ADORA2B: variants seen among roughly 807,000 people sequenced by gnomAD.
ADORA2B encodes adenosine receptor A2b.
ADORA2B carries 18 observed loss-of-function variants against 20.8 expected under a neutral mutation model. The ratio of observed to expected loss-of-function variants is 0.87; its 90% CI spans 0.60 to 1.29. The LOEUF (loss-of-function observed/expected upper bound fraction) is 1.29. ADORA2B is among the 50% of genes most tolerant of loss of function. The pLI is 0.00. For synonymous variants in ADORA2B, 179 were observed against 178.3 expected (o/e 1.00, Z -0.03); for missense variants, 441 against 422.7 (o/e 1.04, Z -0.38).
At chr17:15,965,152 CTT>C (rs940423026) in intron 1 of ADORA2B, among the ~76,000 whole-genome samples, 1 of 152,194 alleles carries the variant, frequency 6.6e-6, no homozygotes, top group Non-Finnish European at 1.5e-5. Context: ...AATATCCCCT[CTT>C]ATATAGATAG....
At chr17:15,947,375 G>A (rs1969819885) in intron 1 of ADORA2B, among the ~76,000 whole-genome samples, 1 of 152,226 alleles carries the variant, frequency 6.6e-6, no homozygotes, top group South Asian at 2.1e-4. Flanking sequence ...CCAGGCCACA[G>A]GGAGCAGGAA....
At position 15,947,095 on chromosome 17, in the gene ADORA2B, C is replaced by T. The variant is rs370729959; in HGVS notation, c.335+1512C>T. 1.2e-4 allele frequency among the ~76,000 whole-genome samples: 19 copies of T among 152,226 alleles called. No individual in the cohort carries two copies. The East Asian group carries it at 2.5e-3, about 20-fold the overall frequency. On this transcript the variant is annotated intron_variant, in intron 1 of 1. Coordinates refer to ENST00000304222, the MANE Select transcript of ADORA2B (RefSeq NM_000676.4). ...TCTGGCCACTCCATGTGCTGCTGCC[C>T]GTGCTGTTGGACCAGGAGGCCTTAT...
chr17:15,872,411 T>A, the ADORA2B span, among the ~76,000 whole-genome samples: 4 of 152,180 alleles, frequency 2.6e-5, no homozygotes, highest in African/African-American at 9.6e-5. Flanking sequence ...TGGTTCCATA[T>A]GAATTTTGGG....
At chr17:15,933,105 G>A in the ADORA2B span, among the ~76,000 whole-genome samples, 25 of 152,032 alleles carry the variant, frequency 1.6e-4, no homozygotes, top group South Asian at 4.4e-3. Flanking sequence ...ACAAGCGCCC[G>A]CTACCACGCC....
At chr17:15,928,720 C>T in the ADORA2B span, among the ~76,000 whole-genome samples, 3 of 151,764 alleles carry the variant, frequency 2.0e-5, no homozygotes, top group African/African-American at 7.3e-5. Flanking sequence ...AGGGAAAGAG[C>T]GTTGTGGAGG....
the ADORA2B span, among the ~76,000 whole-genome samples, chr17:15,921,112 C>A: frequency 6.6e-6 from 1 of 152,252 alleles, no homozygotes; most frequent in South Asian, 2.1e-4. Context: ...TATCATCCAT[C>A]TCCCCAGGCC....
the ADORA2B span, among the ~76,000 whole-genome samples, chr17:15,890,463 T>C: frequency 8.7e-6 from 1 of 114,516 alleles, no homozygotes; most frequent in South Asian, 2.5e-4. Flanking sequence ...TCCTTTCTTT[T>C]ATTTATTTAT....
At chr17:15,915,913 A>C in the ADORA2B span, among the ~76,000 whole-genome samples, 1 of 152,184 alleles carries the variant, frequency 6.6e-6, no homozygotes, top group Admixed American at 6.5e-5. Flanking sequence ...AGCTATGTGG[A>C]CATCCCTTGG....
At chr17:15,920,461 G>T in the ADORA2B span, among the ~76,000 whole-genome samples, 1 of 152,158 alleles carries the variant, frequency 6.6e-6, no homozygotes, top group Non-Finnish European at 1.5e-5. Flanking sequence ...AGTGGCTCAC[G>T]CCTGTAATCC....
the ADORA2B span, among the ~76,000 whole-genome samples, chr17:15,902,275 G>C: frequency 6.6e-6 from 1 of 151,424 alleles, no homozygotes; most frequent in Non-Finnish European, 1.5e-5. Context: ...GCAGTGGCAC[G>C]ATCTTGGCTC....
chr17:15,926,866 G>A, the ADORA2B span, among the ~76,000 whole-genome samples: 1 of 152,140 alleles, frequency 6.6e-6, no homozygotes, highest in Non-Finnish European at 1.5e-5. Context: ...AGCTACTCAG[G>A]AGGCCAAGGC....
chr17:15,972,934 A>G (rs1017659378), intron 1 of ADORA2B, among the ~76,000 whole-genome samples: 1 of 152,046 alleles, frequency 6.6e-6, no homozygotes, highest in African/African-American at 2.4e-5. Context: ...TAAGTTTTGT[A>G]CTTTTTTGTA....
the ADORA2B span, among the ~76,000 whole-genome samples, chr17:15,870,107 T>G: frequency 1.3e-5 from 2 of 148,476 alleles, no homozygotes; most frequent in African/African-American, 5.0e-5. Context: ...TCTAGAACTG[T>G]TTTTTGCTGC....
rs372964783 is a variant in ADORA2B, at chr17:15,945,244, C to G, written c.-5C>G. ...GGGGGCGCCCGGGGCCCAGCTGGCCCGGCCATGCTGCTGGAGACACAGGAC... is the reference window on the plus strand; with the variant it reads ...GGGGGCGCCCGGGGCCCAGCTGGCCGGGCCATGCTGCTGGAGACACAGGAC... On this transcript the variant is annotated 5_prime_UTR_variant, in exon 1 of 2. Transcript: ENST00000304222. 1,182 of 1,420,562 alleles carry G rather than the reference C, an allele frequency of 8.3e-4. 8 individuals carry two copies. Among genetic ancestry groups the G allele is most frequent in the Middle Eastern group, 2.5e-3 (11 of 4,390 alleles). The allele number at this position is 1,420,562 out of a possible 1,614,324, so 88.0% of individuals were successfully genotyped here.
chr17:15,876,151 A>G, the ADORA2B span, among the ~76,000 whole-genome samples: 1 of 152,184 alleles, frequency 6.6e-6, no homozygotes, highest in Non-Finnish European at 1.5e-5. Flanking sequence ...GGTTCATAGA[A>G]GGTAAAATTT....
the ADORA2B span, among the ~76,000 whole-genome samples, chr17:15,856,470 T>C: frequency 6.6e-6 from 1 of 152,128 alleles, no homozygotes; most frequent in East Asian, 1.9e-4. Context: ...CAGGTACTGC[T>C]ATAAAGATAG....
At chr17:15,952,583 G>A (rs1969919533) in intron 1 of ADORA2B, among the ~76,000 whole-genome samples, 2 of 152,202 alleles carry the variant, frequency 1.3e-5, no homozygotes, top group Non-Finnish European at 2.9e-5. Flanking sequence ...GTCCCTTCTA[G>A]TGGTGGATGA....
At chr17:15,875,424 G>A in the ADORA2B span, among the ~76,000 whole-genome samples, 1 of 152,274 alleles carries the variant, frequency 6.6e-6, no homozygotes, top group Non-Finnish European at 1.5e-5. Context: ...CTGTCTTTGC[G>A]TTCTCTCATT....
At chr17:15,928,955 G>A in the ADORA2B span, among the ~76,000 whole-genome samples, 1 of 152,116 alleles carries the variant, frequency 6.6e-6, no homozygotes, top group African/African-American at 2.4e-5. Context: ...GTTACGGAAG[G>A]AGAGGGGAGG....
Sources: allele counts gnomAD v4.1 joint callset (sites outside exome capture counted in the v4.1 genomes callset), GRCh38; gene constraint gnomAD v4.1.1; transcripts MANE v1.5; gene names NCBI Gene and HGNC (gene_info 2026-07-23, HGNC 2026-07-21).